The following MAP4K5 variants were observed in gnomAD, a reference collection of about 807,000 sequenced individuals.
MAP4K5 encodes the protein mitogen-activated protein kinase kinase kinase kinase 5.
A neutral mutation model predicts 135.6 loss-of-function variants in MAP4K5; 82 were observed. The observed-to-expected ratio is 0.60, with a 90% CI of 0.51 to 0.73. The LOEUF (loss-of-function observed/expected upper bound fraction) is 0.73, where lower values mean the gene tolerates loss of function less well. MAP4K5 is among the 30% of genes least tolerant of loss of function. The pLI is 0.00. For synonymous variants in MAP4K5, 347 were observed against 335.0 expected (o/e 1.04, Z -0.39); for missense variants, 907 against 1,010.9 (o/e 0.90, Z 1.39).
At chr14:50,550,602 G>A (rs1214658056) in intron 1 of MAP4K5, among the ~76,000 whole-genome samples, 3 of 152,208 alleles carry the variant, frequency 2.0e-5, no homozygotes, top group Non-Finnish European at 4.4e-5. Flanking sequence ...CTGCAGGAAG[G>A]CCTGATTGCC....
At chr14:50,545,491 T>G (rs1166216966) in intron 1 of MAP4K5, among the ~76,000 whole-genome samples, 1 of 152,082 alleles carries the variant, frequency 6.6e-6, no homozygotes, top group Admixed American at 6.6e-5. Context: ...TGCTCAACCT[T>G]TGTGGGCTGC....
At chr14:50,458,752 G>A (rs533411139) in intron 13 of MAP4K5, among the ~76,000 whole-genome samples, 22 of 151,954 alleles carry the variant, frequency 1.4e-4, no homozygotes, top group African/African-American at 5.3e-4. Context: ...TACTCCTAAG[G>A]CATCAACTAC....
At chr14:50,518,335 A>AT (rs2038076571) in intron 2 of MAP4K5, among the ~76,000 whole-genome samples, 1 of 152,038 alleles carries the variant, frequency 6.6e-6, no homozygotes, top group South Asian at 2.1e-4. Context: ...TTACATAGGT[A>AT]TATGTGTGCC....
At chr14:50,534,110 T>C (rs373913065), upstream of MAP4K5, among the ~76,000 whole-genome samples, 22 of 152,366 alleles carry the variant, frequency 1.4e-4, no homozygotes, top group East Asian at 4.2e-3. Flanking sequence ...TTTACTGTCA[T>C]AGATTCATTT....
intron 5 of MAP4K5, among the ~76,000 whole-genome samples, chr14:50,484,865 C>T (rs928683711): frequency 5.3e-5 from 8 of 151,984 alleles, no homozygotes; most frequent in Non-Finnish European, 1.0e-4. Flanking sequence ...AGCATAGAAA[C>T]GTTTAAAAAT....
intron 2 of MAP4K5, among the ~76,000 whole-genome samples, chr14:50,538,641 A>G (rs1020213394): frequency 3.3e-5 from 5 of 152,186 alleles, no homozygotes; most frequent in Non-Finnish European, 7.4e-5. Flanking sequence ...AGAAAAAGCT[A>G]CAATGCTTGG....
chr14:50,525,236 A>C (rs890428261), intron 2 of MAP4K5, among the ~76,000 whole-genome samples: 55 of 152,168 alleles, frequency 3.6e-4, no homozygotes, highest in Non-Finnish European at 5.9e-5. Flanking sequence ...AAAACCAAAC[A>C]CAAAATCCAG....
chr14:50,421,626 A>G (rs2035735038), intron 32 of MAP4K5, among the ~76,000 whole-genome samples: 1 of 151,912 alleles, frequency 6.6e-6, no homozygotes, highest in African/African-American at 2.4e-5. Flanking sequence ...TGTATCTTAA[A>G]AACAAGGAGA....
Position 50,468,800 on chromosome 14 carries a change from A to G in MAP4K5, c.543-18T>C, listed in dbSNP as rs1381659382. On this transcript the variant is annotated intron_variant, in intron 9 of 32. Transcript: ENST00000682126. ...GGGCCATCCTAGAAGGAATCAATGA[A>G]TACAACATTTTTGTTGTTAAATATT... 5.6e-6 allele frequency: 9 copies of G among 1,594,690 alleles called. 1 individual carries two copies. Among genetic ancestry groups the G allele is most frequent in the Non-Finnish European group, 7.7e-6 (9 of 1,169,242 alleles).
chr14:50,506,360 T>G (rs2140024952), intron 2 of MAP4K5, among the ~76,000 whole-genome samples: 1 of 152,242 alleles, frequency 6.6e-6, no homozygotes. Context: ...TTTGTTTGTT[T>G]GGTTTTTGTT....
At chr14:50,531,813 C>T in intron 2 of MAP4K5, 129 bp downstream of exon 2, 1 of 744,434 alleles carries the variant, frequency 1.3e-6, no homozygotes, top group Middle Eastern at 2.3e-4. Flanking sequence ...TAAAAGGGAC[C>T]CCGGCCGCTT....
At position 50,447,395 on chromosome 14, in the gene MAP4K5, A is replaced by G. The variant is rs1187931436; in HGVS notation, c.1142+19T>C. 2 of 1,455,680 alleles carry G rather than the reference A, an allele frequency of 1.4e-6. No homozygotes were observed. Among genetic ancestry groups the G allele is most frequent in the Non-Finnish European group, 1.9e-6 (2 of 1,068,298 alleles). The allele number at this position is 1,455,680 out of a possible 1,614,324, so 90.2% of individuals were successfully genotyped here. ...TGTAATCAAATAAAATATAGTTATT[A>G]AATTAGAAAACAACTTACTTGCCAG... On this transcript the variant is annotated intron_variant, in intron 16 of 32. Transcript: ENST00000682126.
chr14:50,526,862 T>C (rs545724863), intron 2 of MAP4K5, among the ~76,000 whole-genome samples: 2 of 152,172 alleles, frequency 1.3e-5, no homozygotes, highest in African/African-American at 2.4e-5. Context: ...AGATTCCCCA[T>C]AGCAGACCTA....
intron 6 of MAP4K5, among the ~76,000 whole-genome samples, chr14:50,480,018 C>T (rs115208912): frequency 2.6e-5 from 4 of 152,074 alleles, no homozygotes; most frequent in Admixed American, 2.6e-4. Context: ...ATTTTGCCTA[C>T]TTTATTTGAT....
chr14:50,560,496 T>C, intron 1 of MAP4K5: 1 of 694,892 alleles, frequency 1.4e-6, no homozygotes, highest in South Asian at 1.8e-5. Flanking sequence ...AATCGCGCTG[T>C]CGGGGTGAGG....
At chr14:50,527,835 AAT>A (rs2038299924) in intron 2 of MAP4K5, among the ~76,000 whole-genome samples, 1 of 24,474 alleles carries the variant, frequency 4.1e-5, no homozygotes, top group African/African-American at 1.2e-4. Flanking sequence ...TAATAATAAT[AAT>A]AAATAAATAA....
In MAP4K5 at chr14:50,428,870, TTTATC is replaced by T. The variant is rs377110134; in HGVS notation, c.2234-121_2234-117del. On this transcript the variant is annotated intron_variant, in intron 29 of 32. Transcript: ENST00000682126. Reference sequence around the variant, plus strand: ...TAATATTCTTAATAAAGTTCAACTATTTATCTTGAGTCAGGTATGCCAAATGGCAA... The same window carrying T: ...TAATATTCTTAATAAAGTTCAACTATTTGAGTCAGGTATGCCAAATGGCAA... 1,502 of 668,328 alleles carry T rather than the reference TTTATC, an allele frequency of 2.2e-3. 35 individuals are homozygous for T. The South Asian group carries it at 0.029, about 13-fold the overall frequency. The allele number at this position is 668,328 out of a possible 1,614,324, so 41.4% of individuals were successfully genotyped here. A position where few individuals can be genotyped will look rare whatever the true frequency, so the allele number is the denominator to read the frequency against.
intron 2 of MAP4K5, among the ~76,000 whole-genome samples, chr14:50,506,899 G>A (rs529221683): frequency 5.3e-4 from 81 of 152,248 alleles, no homozygotes; most frequent in African/African-American, 6.0e-4. Flanking sequence ...TTGGACATAA[G>A]AACTGTCTGT....
intron 28 of MAP4K5, among the ~76,000 whole-genome samples, chr14:50,430,381 TC>T (rs2035942107): frequency 2.0e-5 from 3 of 152,208 alleles, no homozygotes; most frequent in African/African-American, 7.2e-5. Context: ...TACAGAACTC[TC>T]TAGAGACACT....
Sources: allele counts gnomAD v4.1 joint callset (sites outside exome capture counted in the v4.1 genomes callset), GRCh38; gene constraint gnomAD v4.1.1; transcripts MANE v1.5; gene names NCBI Gene and HGNC (gene_info 2026-07-23, HGNC 2026-07-21).